DPP10: variants seen among roughly 807,000 people sequenced by gnomAD.
The protein encoded by DPP10 is dipeptidyl peptidase like 10, also known as inactive dipeptidyl peptidase 10.
In DPP10, 33 loss-of-function variants were observed where a neutral mutation model predicts 120.9. The ratio of observed to expected loss-of-function variants is 0.27; its 90% CI spans 0.21 to 0.37. DPP10 has a LOEUF of 0.37. Ranked by LOEUF, DPP10 falls within the 10% of genes least tolerant of loss-of-function variation. The pLI is 1.00. For synonymous variants in DPP10, 337 were observed against 326.1 expected, an observed-to-expected ratio of 1.03 and a Z score of -0.36; for missense variants, 816 against 942.8, an observed-to-expected ratio of 0.87 and a Z score of 1.76.
intron 1 of DPP10, among the ~76,000 whole-genome samples, chr2:114,648,813 C>G (rs1197763844): frequency 6.6e-6 from 1 of 152,194 alleles, no homozygotes; most frequent in African/African-American, 2.4e-5. Flanking sequence ...GTGGTACATA[C>G]ATACAAAGTG....
At chr2:115,150,363 T>C (rs2051468782) in intron 1 of DPP10, among the ~76,000 whole-genome samples, 1 of 152,218 alleles carries the variant, frequency 6.6e-6, no homozygotes, top group Admixed American at 6.5e-5. Context: ...CATCTTCTAT[T>C]TGCCTCTTAT....
intron 3 of DPP10, chr2:115,468,574 T>C: frequency 7.4e-6 from 3 of 405,510 alleles, no homozygotes; most frequent in Non-Finnish European, 1.4e-5. Flanking sequence ...CTAATGTGGT[T>C]GATGGTGGCC....
chr2:114,988,691 G>A (rs1700576772), intron 1 of DPP10, among the ~76,000 whole-genome samples: 1 of 152,042 alleles, frequency 6.6e-6, no homozygotes, highest in Non-Finnish European at 1.5e-5. Context: ...CTTCAATCTA[G>A]CTTTTTCTTC....
Position 115,288,805 on chromosome 2 carries a change from A to C in DPP10, c.61-20434A>C, listed in dbSNP as rs544478439. ...GAAGAAACATACCTCAAAGTAATAA[A>C]AACCACATATGACAAAGGCACAGCC... On this transcript the variant is annotated intron_variant, in intron 1 of 25. Transcript: ENST00000410059. Among the ~76,000 whole-genome samples the C allele has an allele frequency of 5.9e-5, 9 of 152,194 alleles. No individual in the cohort carries two copies. In the South Asian group the frequency reaches 1.2e-3, roughly 21 times the overall value.
chr2:114,577,584 T>C (rs973493829), intron 1 of DPP10, among the ~76,000 whole-genome samples: 2 of 152,152 alleles, frequency 1.3e-5, no homozygotes, highest in Non-Finnish European at 2.9e-5. Flanking sequence ...AACATGTCTC[T>C]ATTTTTTTTT....
intron 1 of DPP10, among the ~76,000 whole-genome samples, chr2:115,087,488 G>A (rs1468760070): frequency 1.3e-5 from 2 of 150,448 alleles, no homozygotes; most frequent in East Asian, 1.9e-4. Context: ...AGTCAAGGTC[G>A]TGACCTGAGA....
chr2:114,966,506 G>A (rs1186611901), intron 1 of DPP10, among the ~76,000 whole-genome samples: 2 of 151,964 alleles, frequency 1.3e-5, no homozygotes, highest in African/African-American at 4.8e-5. Flanking sequence ...TCTCCAATAT[G>A]TTGAAGCATC....
intron 4 of DPP10, among the ~76,000 whole-genome samples, chr2:115,507,588 A>G (rs2077014135): frequency 6.6e-6 from 1 of 152,112 alleles, no homozygotes; most frequent in South Asian, 2.1e-4. Context: ...CTATTCCAAG[A>G]ACAGAAAATA....
chr2:115,241,885 A>G (rs923144776), intron 1 of DPP10, among the ~76,000 whole-genome samples: 1 of 152,226 alleles, frequency 6.6e-6, no homozygotes, highest in African/African-American at 2.4e-5. Flanking sequence ...TAAAGATTTT[A>G]ATATACTAGT....
chr2:115,309,219 T>G lies in DPP10; in HGVS notation c.61-20T>G, dbSNP rs184423252. On this transcript the variant is annotated intron_variant, in intron 1 of 25. Transcript: ENST00000410059. Reference sequence around the variant, plus strand: ...CTTGGAGCATGAATAATTACAAAACTTTTTTTTCTATCTCGGTAGGAACTG... The same window carrying G: ...CTTGGAGCATGAATAATTACAAAACGTTTTTTTCTATCTCGGTAGGAACTG... 214 of 1,593,412 alleles carry G rather than the reference T, an allele frequency of 1.3e-4. 1 individual carries two copies. In the East Asian group the frequency reaches 4.3e-3, roughly 32 times the overall value.
intron 1 of DPP10, among the ~76,000 whole-genome samples, chr2:115,281,684 A>G (rs1294239231): frequency 6.6e-6 from 1 of 152,172 alleles, no homozygotes; most frequent in Non-Finnish European, 1.5e-5. Flanking sequence ...AAGAAAATAT[A>G]TGCAACAAAT....
chr2:114,446,975 A>G (rs115997870), intron 1 of DPP10, among the ~76,000 whole-genome samples: 1,610 of 152,076 alleles, frequency 0.011, 19 homozygotes, highest in African/African-American at 0.036. Context: ...TGACATTGCC[A>G]TGAATTGGCA....
At chr2:114,517,169 C>A (rs961818287) in intron 1 of DPP10, among the ~76,000 whole-genome samples, 3 of 152,126 alleles carry the variant, frequency 2.0e-5, no homozygotes, top group South Asian at 2.1e-4. Flanking sequence ...AAGAAGCTGA[C>A]CTTTCTTTAA....
chr2:115,188,846 AAAAG>A (rs981740416), intron 1 of DPP10, among the ~76,000 whole-genome samples: 1 of 152,190 alleles, frequency 6.6e-6, no homozygotes. Flanking sequence ...TATGAAAAAA[AAAAG>A]CACACCTAAG....
chr2:115,310,355 G>A (rs1180905975), intron 2 of DPP10, among the ~76,000 whole-genome samples: 2 of 152,112 alleles, frequency 1.3e-5, no homozygotes. Context: ...GTTTTTCAGA[G>A]TCATTTAGTC....
chr2:115,350,043 C>T (rs1208960131), intron 3 of DPP10, among the ~76,000 whole-genome samples: 2 of 151,938 alleles, frequency 1.3e-5, no homozygotes, highest in Non-Finnish European at 2.9e-5. Context: ...TTGAAGATAA[C>T]ACGTATTTTT....
Position 115,328,525 on chromosome 2 carries a change from A to G in DPP10, c.176-15292A>G, listed in dbSNP as rs76412938. On this transcript the variant is annotated intron_variant, in intron 2 of 25. Transcript: ENST00000410059. Reference sequence around the variant, plus strand: ...TGATGAGCACTTTGAGTCACTGCCAAAAATGAAAGAGCCTAGTATAAGATA... The same window carrying G: ...TGATGAGCACTTTGAGTCACTGCCAGAAATGAAAGAGCCTAGTATAAGATA... Among the ~76,000 whole-genome samples, 360 of 152,234 alleles carry G rather than the reference A, an allele frequency of 2.4e-3. 1 individual carries two copies. The highest frequency in any genetic ancestry group is 7.9e-3 in the African/African-American group (329 of 41,578).
intron 1 of DPP10, among the ~76,000 whole-genome samples, chr2:114,460,837 T>G (rs1678865828): frequency 6.6e-6 from 1 of 152,228 alleles, no homozygotes; most frequent in Non-Finnish European, 1.5e-5. Flanking sequence ...TGCATTTTTA[T>G]GTCAATTAAA....
At chr2:115,169,300 A>G (rs927934620) in intron 1 of DPP10, among the ~76,000 whole-genome samples, 1 of 152,168 alleles carries the variant, frequency 6.6e-6, no homozygotes, top group Non-Finnish European at 1.5e-5. Context: ...CCTAGTAAGT[A>G]TTTTCATTCT....
Sources: gnomAD v4.1 joint callset for allele counts (sites outside exome capture counted in the v4.1 genomes callset) on GRCh38, gnomAD v4.1.1 for gene constraint, MANE v1.5 for transcripts, NCBI Gene and HGNC (gene_info 2026-07-23, HGNC 2026-07-21) for gene names.